Variants in SGCD observed in about 807,000 individuals in gnomAD.
SGCD encodes the protein delta-sarcoglycan.
SGCD carries 18 observed loss-of-function variants against 36.6 expected under a neutral mutation model. That is an observed-to-expected ratio of 0.49 (90% CI 0.34 to 0.73). The LOEUF (loss-of-function observed/expected upper bound fraction) is 0.73. Among genes scored for constraint, SGCD ranks in the 30% least tolerant of loss-of-function variants. The probability of loss-of-function intolerance (pLI) is 0.01; values close to 1 mark genes in which losing one functional copy is unlikely to be tolerated. For missense variants in SGCD, 387 were observed against 346.7 expected (o/e 1.12, Z -0.92); for synonymous variants, 133 against 130.6 (o/e 1.02, Z -0.12).
intron 1 of SGCD, among the ~76,000 whole-genome samples, chr5:155,914,988 C>A (rs1756706910): frequency 6.6e-6 from 1 of 152,134 alleles, no homozygotes; most frequent in Non-Finnish European, 1.5e-5. Flanking sequence ...AATTAGACCA[C>A]AGTGTACTCC....
chr5:156,425,016 G>A (rs1773608415), intron 3 of SGCD, among the ~76,000 whole-genome samples: 1 of 151,990 alleles, frequency 6.6e-6, no homozygotes, highest in South Asian at 2.1e-4. Context: ...AAACCCTATT[G>A]TCGAGGAATA....
the SGCD span, among the ~76,000 whole-genome samples, chr5:155,853,369 T>C: frequency 7.9e-4 from 120 of 152,116 alleles, no homozygotes; most frequent in Non-Finnish European, 3.4e-4. Context: ...AGTTTCTTGA[T>C]GGGTTTTGTA....
chr5:156,581,226 G>A (rs566532750), intron 4 of SGCD, among the ~76,000 whole-genome samples: 9 of 152,308 alleles, frequency 5.9e-5, no homozygotes, highest in Admixed American at 2.6e-4. Context: ...TATCGCCAGC[G>A]GAGGCTGCAG....
intron 1 of SGCD, among the ~76,000 whole-genome samples, chr5:156,095,476 G>A (rs1298705237): frequency 6.6e-6 from 1 of 152,200 alleles, no homozygotes; most frequent in Non-Finnish European, 1.5e-5. Flanking sequence ...ATAGACAACA[G>A]TGAGTGTGGT....
intron 3 of SGCD, among the ~76,000 whole-genome samples, chr5:156,303,495 C>G (rs932928103): frequency 1.4e-4 from 22 of 151,928 alleles, no homozygotes; most frequent in African/African-American, 5.3e-4. Context: ...GGTTCCCAAG[C>G]TGCAAGACAA....
the SGCD span, among the ~76,000 whole-genome samples, chr5:155,775,411 C>T: frequency 6.6e-6 from 1 of 151,882 alleles, no homozygotes; most frequent in Non-Finnish European, 1.5e-5. Context: ...ACCCATGAGA[C>T]AGAGACTCAG....
At position 156,267,257 on chromosome 5, in the gene SGCD, C is replaced by G. The variant is rs749995645; in HGVS notation, c.-43-62277C>G. Among the ~76,000 whole-genome samples, 8 of 152,298 alleles carry G rather than the reference C, an allele frequency of 5.3e-5. No individual in the cohort carries two copies. The South Asian group carries it at 1.7e-3, about 32-fold the overall frequency. On this transcript the variant is annotated intron_variant, in intron 3 of 9. Transcript: ENST00000517913. The stretch of plus-strand genomic sequence containing the variant: ...ATCTTAAGTCTTCCTGTTGTTGAGA[C>G]TGTGAAATTTACACTATTCTCATTC...
At chr5:155,737,024 G>T in the SGCD span, among the ~76,000 whole-genome samples, 1 of 152,204 alleles carries the variant, frequency 6.6e-6, no homozygotes, top group South Asian at 2.1e-4. Context: ...TTTAGAGAAC[G>T]CACAGCAAGC....
Position 156,661,483 on chromosome 5 carries a change from C to G in SGCD, c.575+13947C>G, listed in dbSNP as rs377132463. ...TCTGATATAATATTGATAGGTTGGT[C>G]AAAATCTTGTAACACTGTAATGACT... On this transcript the variant is annotated intron_variant, in intron 7 of 8. Coordinates refer to ENST00000337851, the MANE Select transcript of SGCD (RefSeq NM_000337.6). Among the ~76,000 whole-genome samples the G allele has an allele frequency of 1.7e-3, 224 of 129,814 alleles. No homozygotes were observed. In the East Asian group the frequency reaches 0.029, roughly 17 times the overall value. 85.2% of individuals were successfully genotyped at this position (129,814 alleles called of 152,430 possible).
At chr5:156,093,564 T>C (rs562606582) in intron 1 of SGCD, among the ~76,000 whole-genome samples, 1 of 152,346 alleles carries the variant, frequency 6.6e-6, no homozygotes, top group Admixed American at 6.5e-5. Context: ...GTTTGGGCAT[T>C]AGTCCTCTAA....
chr5:156,651,764 T>C (rs1451519032), intron 7 of SGCD, among the ~76,000 whole-genome samples: 3 of 152,110 alleles, frequency 2.0e-5, no homozygotes, highest in Non-Finnish European at 1.5e-5. Flanking sequence ...TGCTTAGGAT[T>C]GCTTTGGGCT....
intron 1 of SGCD, among the ~76,000 whole-genome samples, chr5:156,038,099 A>T (rs1456750555): frequency 6.6e-6 from 1 of 152,174 alleles, no homozygotes; most frequent in Non-Finnish European, 1.5e-5. Flanking sequence ...GATAGAGACC[A>T]GGGAAATTAC....
chr5:156,406,811 TATATATATACACACACAC>T (rs1417784259), intron 3 of SGCD, among the ~76,000 whole-genome samples: 8 of 104,970 alleles, frequency 7.6e-5, no homozygotes, highest in African/African-American at 3.5e-4. Context: ...TATATATATA[TATATATATACACACACAC>T]ACACACACAC....
intron 1 of SGCD, among the ~76,000 whole-genome samples, chr5:156,112,944 T>C (rs1761822731): frequency 6.6e-6 from 1 of 152,226 alleles, no homozygotes; most frequent in Non-Finnish European, 1.5e-5. Context: ...ATCTTTCTGG[T>C]TTCTAATGTG....
At chr5:156,335,433 C>T (rs978521651) in intron 2 of SGCD, among the ~76,000 whole-genome samples, 3 of 152,166 alleles carry the variant, frequency 2.0e-5, no homozygotes, top group Non-Finnish European at 4.4e-5. Flanking sequence ...TGCTCTATGT[C>T]TATGGCTTTC....
chr5:155,877,074 A>G (rs936195256), intron 1 of SGCD, among the ~76,000 whole-genome samples: 8 of 152,106 alleles, frequency 5.3e-5, no homozygotes, highest in African/African-American at 1.4e-4. Flanking sequence ...TTATATGTGA[A>G]AGATCTACTG....
At chr5:156,568,292 G>A (rs533750805) in intron 4 of SGCD, among the ~76,000 whole-genome samples, 28 of 152,292 alleles carry the variant, frequency 1.8e-4, no homozygotes, top group African/African-American at 6.7e-4. Context: ...GCTGAGGCAG[G>A]AGAATCGCTT....
chr5:156,383,402 G>T (rs958504120), intron 3 of SGCD, among the ~76,000 whole-genome samples: 1 of 152,116 alleles, frequency 6.6e-6, no homozygotes, highest in Non-Finnish European at 1.5e-5. Context: ...TACTCCAGAG[G>T]CTGAGACAGG....
At chr5:156,139,851 A>G (rs1762535395) in intron 3 of SGCD, among the ~76,000 whole-genome samples, 1 of 152,206 alleles carries the variant, frequency 6.6e-6, no homozygotes, top group Non-Finnish European at 1.5e-5. Context: ...TTAAAGGGTA[A>G]TGGCCTTTGG....
Sources: gnomAD v4.1 joint callset for allele counts (sites outside exome capture counted in the v4.1 genomes callset) on GRCh38, gnomAD v4.1.1 for gene constraint, MANE v1.5 for transcripts, NCBI Gene and HGNC (gene_info 2026-07-23, HGNC 2026-07-21) for gene names.